Variants in SIPA1L3 observed in about 807,000 individuals in gnomAD.
SIPA1L3 encodes signal induced proliferation associated 1 like 3, also known as signal-induced proliferation-associated 1-like protein 3.
Under a neutral mutation model 150.1 loss-of-function variants are expected in SIPA1L3, and 59 were observed. That is an observed-to-expected ratio of 0.39 (90% confidence interval 0.32 to 0.49). The LOEUF (loss-of-function observed/expected upper bound fraction) is 0.49. Ranked by LOEUF, SIPA1L3 falls within the 20% of genes least tolerant of loss-of-function variation. SIPA1L3 has a pLI of 0.86. For missense variants in SIPA1L3, 2,211 were observed against 2,489.5 expected (o/e 0.89, Z 2.38); for synonymous variants, 1,070 against 1,077.6 (o/e 0.99, Z 0.14).
intron 15 of SIPA1L3, 102 bp downstream of exon 15, chr19:38,165,008 C>T (rs1005953210): frequency 3.5e-5 from 37 of 1,043,884 alleles, no homozygotes; most frequent in South Asian, 2.8e-4. Context: ...AACACACTCA[C>T]GGATGAATGC....
chr19:38,052,797 C>T (rs1969226068), intron 2 of SIPA1L3, among the ~76,000 whole-genome samples: 1 of 152,316 alleles, frequency 6.6e-6, no homozygotes, highest in African/African-American at 2.4e-5. Flanking sequence ...CTACATGGTT[C>T]CGAGTTCCTC....
At chr19:38,141,027 C>T (rs1971565583) in intron 10 of SIPA1L3, among the ~76,000 whole-genome samples, 157 bp from the exon 11 acceptor site, 1 of 142,684 alleles carries the variant, frequency 7.0e-6, no homozygotes, top group Non-Finnish European at 1.5e-5. Flanking sequence ...CGCTGTACTC[C>T]AGCCTGGGCG....
At chr19:38,031,002 G>A (rs1968643477) in intron 2 of SIPA1L3, among the ~76,000 whole-genome samples, 1 of 152,160 alleles carries the variant, frequency 6.6e-6, no homozygotes, top group Admixed American at 6.5e-5. Context: ...TCTCCTGGAT[G>A]TTTAGTGGGT....
At chr19:37,922,133 G>C (rs77497008) in intron 1 of SIPA1L3, among the ~76,000 whole-genome samples, 1 of 151,760 alleles carries the variant, frequency 6.6e-6, no homozygotes, top group Non-Finnish European at 1.5e-5. Context: ...CACCCAGGCC[G>C]GAGTGAACTG....
intron 15 of SIPA1L3, among the ~76,000 whole-genome samples, chr19:38,182,144 A>AAAAAAAAG (rs1972569116): frequency 6.6e-6 from 1 of 151,784 alleles, no homozygotes; most frequent in African/African-American, 2.4e-5. Context: ...CTCAAAAAAA[A>AAAAAAAAG]AAAAAGAAAG....
chr19:38,119,173 G>A, intron 8 of SIPA1L3, 133 bp from the exon 9 acceptor site: 1 of 852,356 alleles, frequency 1.2e-6, no homozygotes, highest in Non-Finnish European at 1.8e-6. Context: ...TCCAGCCTGG[G>A]TGACAGAGTG....
rs74426535 is a variant in SIPA1L3, at chr19:38,074,629, A to G, written c.-310-6627A>G. Among the ~76,000 whole-genome samples the G allele has an allele frequency of 6.6e-5, 10 of 152,382 alleles. No individual in the cohort carries two copies. The East Asian group carries it at 1.9e-3, about 29-fold the overall frequency. ...CTTGCCATTCTGTAACTGACAGTTTAGAGTGGAGACAATAAACACCATAGA... is the reference window on the plus strand; with the variant it reads ...CTTGCCATTCTGTAACTGACAGTTTGGAGTGGAGACAATAAACACCATAGA... On this transcript the variant is annotated intron_variant, in intron 2 of 21. Transcript: ENST00000222345.
chr19:38,070,223 T>TCTATCTATCTATC (rs56303338), intron 2 of SIPA1L3, among the ~76,000 whole-genome samples: 1 of 151,308 alleles, frequency 6.6e-6, no homozygotes, highest in South Asian at 2.1e-4. Flanking sequence ...TATCTATCTA[T>TCTATCTATCTATC]TTTTGAGACA....
chr19:38,034,677 T>C (rs1482134076), intron 2 of SIPA1L3, among the ~76,000 whole-genome samples: 1 of 152,168 alleles, frequency 6.6e-6, no homozygotes, highest in Non-Finnish European at 1.5e-5. Flanking sequence ...CCTGTGTAAC[T>C]AACTACCTCC....
At chr19:37,984,254 T>C (rs1276232839) in intron 1 of SIPA1L3, among the ~76,000 whole-genome samples, 1 of 152,096 alleles carries the variant, frequency 6.6e-6, no homozygotes, top group African/African-American at 2.4e-5. Flanking sequence ...AATTAGTAAA[T>C]GAAATTCACT....
At chr19:38,063,112 T>C (rs919817006) in intron 2 of SIPA1L3, among the ~76,000 whole-genome samples, 1 of 152,192 alleles carries the variant, frequency 6.6e-6, no homozygotes, top group Non-Finnish European at 1.5e-5. Flanking sequence ...TGTCATGTGC[T>C]CTGCACAGGG....
intron 15 of SIPA1L3, among the ~76,000 whole-genome samples, chr19:38,178,062 C>T (rs1308906485): frequency 6.8e-6 from 1 of 147,644 alleles, no homozygotes; most frequent in African/African-American, 2.5e-5. Flanking sequence ...TCATACCTGC[C>T]TGTGTGTGCT....
chr19:38,163,821 C>G (rs1285236695), intron 14 of SIPA1L3, among the ~76,000 whole-genome samples: 1 of 152,204 alleles, frequency 6.6e-6, no homozygotes, highest in Non-Finnish European at 1.5e-5. Context: ...TGGGAACTCT[C>G]ACTTGTGCCT....
chr19:38,133,189 A>G (rs375613130), intron 10 of SIPA1L3, among the ~76,000 whole-genome samples: 3 of 152,276 alleles, frequency 2.0e-5, no homozygotes, highest in East Asian at 3.9e-4. Flanking sequence ...TCCCCCTGCA[A>G]GTGACACTAG....
At chr19:38,175,985 A>T (rs1282678706) in intron 15 of SIPA1L3, among the ~76,000 whole-genome samples, 1 of 152,018 alleles carries the variant, frequency 6.6e-6, no homozygotes, top group Non-Finnish European at 1.5e-5. Flanking sequence ...AGGCGGGCGG[A>T]TCATGAGGTC....
At chr19:38,148,068 A>C (rs1294994705) in intron 12 of SIPA1L3, among the ~76,000 whole-genome samples, 1 of 149,110 alleles carries the variant, frequency 6.7e-6, no homozygotes, top group African/African-American at 2.5e-5. Context: ...TTAAGAGGGA[A>C]GGGGCCGGGC....
chr19:38,189,702 G>T lies in SIPA1L3; in HGVS notation c.4431-2443G>T, dbSNP rs552344234. The stretch of plus-strand genomic sequence containing the variant: ...AATTGCTTGAACCTGGGAGGCGGAG[G>T]TTGCAGTGAGGCAAGATCGTGCCAT... On this transcript the variant is annotated intron_variant, in intron 16 of 21. Transcript: ENST00000222345. Among the ~76,000 whole-genome samples, 33 of 152,258 alleles carry T rather than the reference G, an allele frequency of 2.2e-4. No individual in the cohort carries two copies. In the East Asian group the frequency reaches 4.1e-3, roughly 19 times the overall value.
chr19:38,057,289 T>C (rs1031832568), intron 2 of SIPA1L3, among the ~76,000 whole-genome samples: 2 of 145,700 alleles, frequency 1.4e-5, no homozygotes, highest in South Asian at 2.1e-4. Flanking sequence ...TATATATATA[T>C]GTATATATAT....
chr19:38,127,389 A>G (rs1023250889), intron 9 of SIPA1L3, among the ~76,000 whole-genome samples: 12 of 152,358 alleles, frequency 7.9e-5, no homozygotes, highest in African/African-American at 2.6e-4. Context: ...CATCATACAT[A>G]AAATAAAAAA....
Sources: gnomAD v4.1 joint callset for allele counts (sites outside exome capture counted in the v4.1 genomes callset) on GRCh38, gnomAD v4.1.1 for gene constraint, MANE v1.5 for transcripts, NCBI Gene and HGNC (gene_info 2026-07-23, HGNC 2026-07-21) for gene names.